ENOX1: variants seen among roughly 807,000 people sequenced by gnomAD.
The protein encoded by ENOX1 is ecto-NOX disulfide-thiol exchanger 1, also known as candidate growth-related and time keeping constitutive hydroquinone (NADH) oxidase.
ENOX1 carries 42 observed loss-of-function variants against 82.5 expected under a neutral mutation model. That is an observed-to-expected ratio of 0.51 (90% CI 0.40 to 0.66). ENOX1 has a LOEUF of 0.66. Ranked by LOEUF, ENOX1 falls within the 30% of genes least tolerant of loss-of-function variation. The pLI is 0.00. For synonymous variants in ENOX1, 271 were observed against 282.2 expected (o/e 0.96, Z 0.40); for missense variants, 608 against 811.6 (o/e 0.75, Z 3.05).
chr13:43,424,381 T>C (rs1326510899), intron 3 of ENOX1, among the ~76,000 whole-genome samples: 5 of 152,210 alleles, frequency 3.3e-5, no homozygotes, highest in Non-Finnish European at 7.3e-5. Context: ...GACCCTTAAA[T>C]GGTGGCAAAC....
intron 3 of ENOX1, among the ~76,000 whole-genome samples, chr13:43,472,624 C>T (rs572107581): frequency 3.0e-4 from 46 of 152,266 alleles, no homozygotes; most frequent in Middle Eastern, 3.4e-3. Flanking sequence ...ATCATATCTG[C>T]AGCACCCTTC....
chr13:43,486,771 C>T (rs539701389), intron 2 of ENOX1, among the ~76,000 whole-genome samples: 59 of 152,302 alleles, frequency 3.9e-4, no homozygotes, highest in Admixed American at 3.9e-4. Flanking sequence ...ACTTAGCCTC[C>T]TTATCTGCAG....
chr13:43,279,385 C>G (rs1376497991), intron 12 of ENOX1, among the ~76,000 whole-genome samples: 1 of 152,142 alleles, frequency 6.6e-6, no homozygotes, highest in Admixed American at 6.6e-5. Context: ...CTCCTCTTTT[C>G]CCCAAGCCTT....
chr13:43,318,378 C>CTA (rs1760568642), intron 11 of ENOX1, among the ~76,000 whole-genome samples: 1 of 152,154 alleles, frequency 6.6e-6, no homozygotes, highest in Non-Finnish European at 1.5e-5. Context: ...GTCTTACACC[C>CTA]TAGAGAACTG....
At chr13:43,462,084 A>G (rs1348210534) in intron 3 of ENOX1, among the ~76,000 whole-genome samples, 2 of 152,212 alleles carry the variant, frequency 1.3e-5, no homozygotes, top group Non-Finnish European at 1.5e-5. Flanking sequence ...GGTGCTGCAT[A>G]GATCACTGCA....
At chr13:43,690,378 G>T (rs530151657) in intron 1 of ENOX1, among the ~76,000 whole-genome samples, 3 of 151,910 alleles carry the variant, frequency 2.0e-5, no homozygotes, top group East Asian at 1.9e-4. Flanking sequence ...TACTCAGCTT[G>T]ACCAAGTGAC....
intron 5 of ENOX1, among the ~76,000 whole-genome samples, chr13:43,366,524 C>T (rs2050861779): frequency 6.6e-6 from 1 of 152,202 alleles, no homozygotes; most frequent in South Asian, 2.1e-4. Context: ...GATCTGCCTG[C>T]CTTGGCCTCC....
At chr13:43,467,782 A>G (rs948027656) in intron 3 of ENOX1, among the ~76,000 whole-genome samples, 2 of 152,180 alleles carry the variant, frequency 1.3e-5, no homozygotes, top group South Asian at 4.1e-4. Context: ...TAAGAATTTC[A>G]TAGTTTTAGC....
intron 3 of ENOX1, among the ~76,000 whole-genome samples, chr13:43,478,524 A>G (rs1028453633): frequency 6.6e-6 from 1 of 152,182 alleles, no homozygotes; most frequent in African/African-American, 2.4e-5. Context: ...AAAGCTTTAA[A>G]TAATTAAATA....
chr13:43,336,168 C>T (rs908085503), intron 9 of ENOX1, among the ~76,000 whole-genome samples: 1 of 152,104 alleles, frequency 6.6e-6, no homozygotes, highest in African/African-American at 2.4e-5. Flanking sequence ...GCCAAATTTC[C>T]CTTGGTGGAA....
chr13:43,423,049 G>A (rs2055067969), intron 3 of ENOX1, among the ~76,000 whole-genome samples: 1 of 152,162 alleles, frequency 6.6e-6, no homozygotes, highest in African/African-American at 2.4e-5. Context: ...TCCTCTGTGG[G>A]GAAGGGAGGC....
chr13:43,301,608 T>C (rs1462702728), intron 11 of ENOX1, among the ~76,000 whole-genome samples: 1 of 149,840 alleles, frequency 6.7e-6, no homozygotes, highest in Non-Finnish European at 1.5e-5. Flanking sequence ...ATCAATACCA[T>C]AGCAAATTCC....
chr13:43,321,241 A>C (rs2047790124), intron 11 of ENOX1: 1 of 428,706 alleles, frequency 2.3e-6, no homozygotes, highest in Non-Finnish European at 4.7e-6. Context: ...CCCTGTAGCC[A>C]CTAGACGTTT....
intron 3 of ENOX1, among the ~76,000 whole-genome samples, chr13:43,435,904 AG>A: frequency 6.6e-6 from 1 of 151,430 alleles, no homozygotes; most frequent in African/African-American, 2.4e-5. Context: ...TGAATGGAGA[AG>A]AATATGGTCT....
At position 43,786,536 on chromosome 13, in the gene ENOX1, C is replaced by A. The variant is rs1952640397; in HGVS notation, c.-285+116G>T. 6.6e-6 allele frequency: 1 copy of A among 152,552 alleles called. No individual in the cohort carries two copies. Among genetic ancestry groups the A allele is most frequent in the Non-Finnish European group, 1.5e-5 (1 of 68,420 alleles). 9.4% of individuals were successfully genotyped at this position (152,552 alleles called of 1,614,324 possible). ...TCACCTCTAGCTCCACTCCCCTCCC[C>A]CCTCGCCCACTCCCCTCTCAGTCTA... On this transcript the variant is annotated intron_variant, in intron 1 of 16. Coordinates refer to ENST00000690772, the MANE Select transcript of ENOX1 (RefSeq NM_001347969.2). This position sits in a 1 kb window ranked among gnomAD's most constrained non-coding sequence, Gnocchi z 6.0.
chr13:43,568,840 C>G (rs1159118620), intron 2 of ENOX1, among the ~76,000 whole-genome samples: 1 of 152,044 alleles, frequency 6.6e-6, no homozygotes, highest in Non-Finnish European at 1.5e-5. Context: ...ATTTCAAAAG[C>G]CAATTTTTAT....
chr13:43,453,622 T>A (rs1356204650), intron 3 of ENOX1, among the ~76,000 whole-genome samples: 3 of 152,050 alleles, frequency 2.0e-5, no homozygotes, highest in Admixed American at 6.5e-5. Flanking sequence ...ACAGCAGGAA[T>A]GAAAAGAAAG....
At chr13:43,408,366 G>A (rs894572720) in intron 5 of ENOX1, among the ~76,000 whole-genome samples, 1 of 152,206 alleles carries the variant, frequency 6.6e-6, no homozygotes, top group Non-Finnish European at 1.5e-5. Flanking sequence ...ACAAATATGG[G>A]AAGAGTGGTT....
At position 43,220,663 on chromosome 13, in the gene ENOX1, T is replaced by C. The variant is rs191515529; in HGVS notation, c.1800+3390A>G. Reference sequence around the variant, plus strand: ...TTCTCTCACTGTGGTGCACAGCCTTTTTTTTGTTCTTTATGTAGTCAAGTG... The same window carrying C: ...TTCTCTCACTGTGGTGCACAGCCTTCTTTTTGTTCTTTATGTAGTCAAGTG... On this transcript the variant is annotated intron_variant, in intron 16 of 16. Coordinates refer to ENST00000690772, the MANE Select transcript of ENOX1 (RefSeq NM_001347969.2). Among the ~76,000 whole-genome samples the C allele has an allele frequency of 1.0e-3, 158 of 152,328 alleles. 1 individual carries two copies. The highest frequency in any genetic ancestry group is 6.9e-3 in the East Asian group (36 of 5,186).
Sources: gnomAD v4.1 joint callset for allele counts (sites outside exome capture counted in the v4.1 genomes callset) on GRCh38, gnomAD v4.1.1 for gene constraint, Gnocchi (gnomAD v3.1) non-coding constraint, MANE v1.5 for transcripts, NCBI Gene and HGNC (gene_info 2026-07-23, HGNC 2026-07-21) for gene names.